The following MRTFA variants were observed in gnomAD, a reference collection of about 807,000 sequenced individuals.
MRTFA encodes myocardin related transcription factor A, also known as myocardin-related transcription factor A.
In MRTFA, 20 loss-of-function variants were observed where a neutral mutation model predicts 83.5. The observed-to-expected ratio is 0.24, with a 90% CI of 0.17 to 0.35. The LOEUF (loss-of-function observed/expected upper bound fraction) is 0.35. Among genes scored for constraint, MRTFA ranks in the 10% least tolerant of loss-of-function variants. The pLI is 1.00. For missense variants in MRTFA, 1,200 were observed against 1,224.7 expected, an observed-to-expected ratio of 0.98 and a Z score of 0.30; for synonymous variants, 659 against 541.2, an observed-to-expected ratio of 1.22 and a Z score of -3.02.
chr22:40,613,692 G>C (rs1038329856), intron 1 of MRTFA, among the ~76,000 whole-genome samples: 1 of 148,252 alleles, frequency 6.7e-6, no homozygotes, highest in Non-Finnish European at 1.5e-5. Flanking sequence ...CCTGTCTCTA[G>C]AAAAAAAAAA....
rs559333080 is a variant in MRTFA, at chr22:40,633,298, C to A, written c.-84+3180G>T. Among the ~76,000 whole-genome samples, 11 of 152,266 alleles carry A rather than the reference C, an allele frequency of 7.2e-5. No homozygotes were observed. In the South Asian group the frequency reaches 2.3e-3, roughly 32 times the overall value. ...ATATTCAAGAAATATTTACTGAGCACCTGCTATGTCCCAAGAACTGCCTTT... is the reference window on the plus strand; with the variant it reads ...ATATTCAAGAAATATTTACTGAGCAACTGCTATGTCCCAAGAACTGCCTTT... On this transcript the variant is annotated intron_variant, in intron 1 of 14. Transcript: ENST00000355630.
At chr22:40,487,086 T>C (rs1312843387) in intron 3 of MRTFA, among the ~76,000 whole-genome samples, 1 of 152,224 alleles carries the variant, frequency 6.6e-6, no homozygotes, top group Non-Finnish European at 1.5e-5. Context: ...TTTGTGTGTG[T>C]ATCACACAGT....
intron 1 of MRTFA, among the ~76,000 whole-genome samples, chr22:40,615,464 C>T (rs2147421677): frequency 6.6e-6 from 1 of 152,170 alleles, no homozygotes; most frequent in East Asian, 1.9e-4. Context: ...CTTGTATTTC[C>T]ATGTGAATTT....
chr22:40,496,754 C>T (rs2054361825), intron 3 of MRTFA, among the ~76,000 whole-genome samples: 1 of 146,460 alleles, frequency 6.8e-6, no homozygotes, highest in African/African-American at 2.6e-5. Context: ...TCTCTTTCTC[C>T]CTTTTGTTTA....
intron 3 of MRTFA, among the ~76,000 whole-genome samples, chr22:40,486,027 C>CCACT (rs1316178999): frequency 4.6e-5 from 7 of 152,178 alleles, no homozygotes; most frequent in Admixed American, 4.6e-4. Flanking sequence ...TCTGCCTGGC[C>CCACT]CACTGCCCGA....
chr22:40,553,505 C>G (rs1191257653), intron 2 of MRTFA, among the ~76,000 whole-genome samples: 1 of 152,276 alleles, frequency 6.6e-6, no homozygotes, highest in African/African-American at 2.4e-5. Flanking sequence ...GCTGAGGCTT[C>G]GAAGCGTGCA....
chr22:40,423,742 C>A (rs546211806), intron 8 of MRTFA, 57 bp from the exon 9 acceptor site: 1 of 1,429,792 alleles, frequency 7.0e-7, no homozygotes, highest in South Asian at 1.5e-5. Context: ...GTGTGCCCAG[C>A]CTGCCCTGAC....
intron 4 of MRTFA, among the ~76,000 whole-genome samples, chr22:40,445,152 C>A (rs986285446): frequency 1.3e-5 from 2 of 152,068 alleles, no homozygotes; most frequent in African/African-American, 4.8e-5. Context: ...ACTCTCACAA[C>A]TCCCTTCCCT....
At position 40,419,082 on chromosome 22, in the gene MRTFA, G is replaced by A. The variant is rs766118348; in HGVS notation, c.1656C>T (p.Pro552=). The A allele has an allele frequency of 1.0e-4, 161 of 1,604,468 alleles. No homozygotes were observed. The highest frequency in any genetic ancestry group is 1.2e-4 in the Non-Finnish European group (142 of 1,176,204). ...AGCGCTCCGAGGGGGTGGGAGACAC[G>A]GGGGGCGTGGAGCCCGTGCTGCCAA... Residue 552 remains proline, a synonymous_variant, in exon 12 of 15, where the codon CCC becomes CCT. Transcript: ENST00000355630.
intron 4 of MRTFA, among the ~76,000 whole-genome samples, chr22:40,449,502 T>C (rs540141084): frequency 1.3e-5 from 2 of 152,306 alleles, no homozygotes; most frequent in South Asian, 2.1e-4. Flanking sequence ...TGTGCAAGAA[T>C]CTCTTGGAAT....
intron 11 of MRTFA, among the ~76,000 whole-genome samples, chr22:40,419,678 G>A (rs1252713490): frequency 6.6e-6 from 1 of 152,214 alleles, no homozygotes; most frequent in Non-Finnish European, 1.5e-5. Flanking sequence ...CATGGTGCAT[G>A]GGCTCAATAA....
Position 40,411,621 on chromosome 22 carries a change from G to C in MRTFA, c.2865C>G (p.Asp955Glu). 1 of 1,613,638 alleles carries C rather than the reference G, an allele frequency of 6.2e-7. No individual in the cohort carries two copies. Among genetic ancestry groups the C allele is most frequent in the Non-Finnish European group, 8.5e-7 (1 of 1,179,976 alleles). ...AGGTGTCCATGGGTGACGGGGGGTG[G>C]TCCAGGATGGCAGTGCTGCTCAGCA... Residue 955 changes from aspartate to glutamate, a missense_variant, in exon 15 of 15, where the codon GAC becomes GAG. This residue lies in a region of MRTFA where 1,107 missense variants were observed against 1,041.8 expected (regional missense o/e 1.06). Coordinates refer to ENST00000355630, the MANE Select transcript of MRTFA (RefSeq NM_020831.6).
intron 3 of MRTFA, among the ~76,000 whole-genome samples, chr22:40,494,002 T>C (rs1322077236): frequency 2.0e-5 from 3 of 152,282 alleles, no homozygotes; most frequent in Admixed American, 6.5e-5. Flanking sequence ...AAGCAGGTAA[T>C]TGAAATTGAT....
intron 1 of MRTFA, among the ~76,000 whole-genome samples, chr22:40,615,686 C>CT (rs59431175): frequency 0.28 from 39,569 of 142,162 alleles, 5,813 homozygotes; most frequent in South Asian, 0.47. Context: ...ATTTTCTTTT[C>CT]TTTTTTTTTT....
chr22:40,506,517 T>C (rs1487323733), intron 3 of MRTFA, among the ~76,000 whole-genome samples: 1 of 152,198 alleles, frequency 6.6e-6, no homozygotes, highest in African/African-American at 2.4e-5. Flanking sequence ...AACTGTGGTA[T>C]TTATCCCCAA....
chr22:40,561,920 G>A (rs936892032), intron 2 of MRTFA, among the ~76,000 whole-genome samples: 3 of 152,066 alleles, frequency 2.0e-5, no homozygotes, highest in African/African-American at 7.2e-5. Flanking sequence ...TTGGTCTCTT[G>A]GAGCCCTGTG....
At chr22:40,524,521 C>A (rs971310836) in intron 3 of MRTFA, among the ~76,000 whole-genome samples, 19 of 152,184 alleles carry the variant, frequency 1.2e-4, no homozygotes, top group Middle Eastern at 6.8e-3. Context: ...ACAAACACTG[C>A]AAAGATAAAT....
At position 40,423,599 on chromosome 22, in the gene MRTFA, C is replaced by T. The variant is rs1170125952; in HGVS notation, c.864G>A (p.Leu288=). ...TGGTTCCATTGGTGAGGCTGGGAGG[C>T]AGCAGAGGTGGGGGAGGCAGAGGAG... The change falls in exon 9 of 15, where the codon CTG becomes CTA. Residue 288 remains leucine (L), a synonymous_variant. Transcript: ENST00000355630. The T allele has an allele frequency of 1.3e-6, 2 of 1,595,378 alleles. No individual in the cohort carries two copies. The highest frequency in any genetic ancestry group is 3.4e-5 in the Admixed American group (2 of 58,362).
intron 1 of MRTFA, among the ~76,000 whole-genome samples, chr22:40,613,007 A>G (rs1174519302): frequency 6.6e-6 from 1 of 152,046 alleles, no homozygotes; most frequent in East Asian, 1.9e-4. Context: ...TCAATATTCC[A>G]CCCTTACTGC....
Sources: allele counts gnomAD v4.1 joint callset (sites outside exome capture counted in the v4.1 genomes callset), GRCh38; gene constraint gnomAD v4.1.1; regional missense constraint gnomAD v4.1.1; transcripts MANE v1.5; gene names NCBI Gene and HGNC (gene_info 2026-07-23, HGNC 2026-07-21).